Variants in RHEX observed in about 807,000 individuals in gnomAD.
The protein encoded by RHEX is regulator of hemoglobinization and erythroid cell expansion protein.
RHEX carries 18 observed loss-of-function variants against 20.1 expected under a neutral mutation model. The ratio of observed to expected loss-of-function variants is 0.90; its 90% CI spans 0.62 to 1.33. The LOEUF is 1.33. RHEX is among the 40% of genes most tolerant of loss of function. The probability of loss-of-function intolerance (pLI) is 0.00; values close to 1 mark genes in which losing one functional copy is unlikely to be tolerated. For missense variants in RHEX, 192 were observed against 214.3 expected, an observed-to-expected ratio of 0.90 and a Z score of 0.65; for synonymous variants, 87 against 77.1, an observed-to-expected ratio of 1.13 and a Z score of -0.67.
intron 2 of RHEX, 23 bp from the exon 3 acceptor site, chr1:206,098,058 T>A: frequency 6.4e-7 from 1 of 1,573,692 alleles, no homozygotes; most frequent in African/African-American, 1.3e-5. Context: ...TCTCTGACTT[T>A]GCCCCTTTTT....
chr1:206,061,690 A>C (rs1662313398), intron 1 of RHEX: 1 of 152,256 alleles, frequency 6.6e-6, no homozygotes, highest in African/African-American at 2.4e-5. Context: ...GATGCCATAT[A>C]TTCCAACGTG....
chr1:206,083,082 C>T (rs1469560118), intron 1 of RHEX, among the ~76,000 whole-genome samples: 5 of 152,240 alleles, frequency 3.3e-5, no homozygotes, highest in African/African-American at 1.2e-4. Context: ...ACGTCCCCTA[C>T]TCACTTAATC....
intron 4 of RHEX, among the ~76,000 whole-genome samples, chr1:206,100,563 C>A (rs1016502125): frequency 1.1e-4 from 17 of 152,212 alleles, no homozygotes; most frequent in African/African-American, 4.1e-4. Context: ...TGGCCTTACC[C>A]TAACCCCTGG....
intron 1 of RHEX, among the ~76,000 whole-genome samples, chr1:206,074,963 A>G (rs1662603343): frequency 6.6e-6 from 1 of 152,224 alleles, no homozygotes; most frequent in African/African-American, 2.4e-5. Context: ...TTAATGGCCC[A>G]TTCCCACAAT....
intron 1 of RHEX, among the ~76,000 whole-genome samples, chr1:206,063,728 A>G (rs1450970707): frequency 6.6e-6 from 1 of 152,072 alleles, no homozygotes; most frequent in Non-Finnish European, 1.5e-5. Context: ...CAGTGGCGTG[A>G]TCTCGGCTGG....
chr1:206,071,352 C>T lies in RHEX; in HGVS notation c.-97+18087C>T, dbSNP rs75480076. Among the ~76,000 whole-genome samples, 15 of 152,186 alleles carry T rather than the reference C, an allele frequency of 9.9e-5. No individual in the cohort carries two copies. The South Asian group carries it at 2.3e-3, about 23-fold the overall frequency. On this transcript the variant is annotated intron_variant, in intron 1 of 5. Transcript: ENST00000331555. ...TGGCAGCAGATTAGATGGGTCCACC[C>T]GGATTGTGGGTGGGTCTGCTTCTCC...
Position 206,097,920 on chromosome 1 carries a change from C to T in RHEX, c.11+81C>T, listed in dbSNP as rs556271939. On this transcript the variant is annotated intron_variant, in intron 2 of 5. Transcript: ENST00000331555. ...CTGTCTTCCAAGCACACATAGCACCCTTCCTGGCTGCCCCAGCCTTATTGT... is the reference window on the plus strand; with the variant it reads ...CTGTCTTCCAAGCACACATAGCACCTTTCCTGGCTGCCCCAGCCTTATTGT... The T allele has an allele frequency of 7.1e-4, 888 of 1,244,110 alleles. 1 individual carries two copies. The highest frequency in any genetic ancestry group is 2.1e-3 in the South Asian group (176 of 83,736). 77.1% of individuals were successfully genotyped at this position (1,244,110 alleles called of 1,614,324 possible). A position where few individuals can be genotyped will look rare whatever the true frequency, so the allele number is the denominator to read the frequency against.
intron 1 of RHEX, among the ~76,000 whole-genome samples, chr1:206,096,788 T>G (rs1190152047): frequency 8.0e-5 from 12 of 150,364 alleles, no homozygotes; most frequent in African/African-American, 2.2e-4. Flanking sequence ...TTGGTTTTTT[T>G]TTTTGAGACA....
intron 1 of RHEX, among the ~76,000 whole-genome samples, chr1:206,092,078 T>C (rs1324545728): frequency 2.1e-5 from 3 of 144,678 alleles, no homozygotes; most frequent in Admixed American, 7.1e-5. Flanking sequence ...CTCTCTTTCT[T>C]TCTTTCTTTT....
intron 1 of RHEX, among the ~76,000 whole-genome samples, chr1:206,082,356 A>G (rs1341330154): frequency 1.3e-5 from 2 of 151,986 alleles, no homozygotes; most frequent in Non-Finnish European, 2.9e-5. Context: ...TGTCTCTACT[A>G]AAAATACAAA....
intron 1 of RHEX, among the ~76,000 whole-genome samples, chr1:206,059,076 A>T (rs28460755): frequency 0.27 from 40,435 of 151,952 alleles, 5,941 homozygotes; most frequent in Middle Eastern, 0.4. Context: ...CACTCCCACC[A>T]GCCTGCCCCA....
chr1:206,073,963 C>T (rs932626247), intron 1 of RHEX, among the ~76,000 whole-genome samples: 1 of 152,186 alleles, frequency 6.6e-6, no homozygotes, highest in Non-Finnish European at 1.5e-5. Context: ...ACACAGCAAA[C>T]AAGGGCCTCC....
intron 1 of RHEX, among the ~76,000 whole-genome samples, chr1:206,077,457 C>T (rs1290433230): frequency 1.3e-5 from 2 of 152,200 alleles, no homozygotes; most frequent in East Asian, 3.9e-4. Context: ...GACATTAATA[C>T]TGCAGAGTAA....
chr1:206,096,788 T>TG (rs1480732819), intron 1 of RHEX, among the ~76,000 whole-genome samples: 1 of 150,256 alleles, frequency 6.7e-6, no homozygotes, highest in African/African-American at 2.5e-5. Flanking sequence ...TTGGTTTTTT[T>TG]TTTTGAGACA....
intron 1 of RHEX, among the ~76,000 whole-genome samples, chr1:206,083,144 T>G (rs569542681): frequency 6.6e-6 from 1 of 152,348 alleles, no homozygotes; most frequent in East Asian, 1.9e-4. Context: ...GAAAGTATCT[T>G]TGCTAATATC....
At chr1:206,062,624 G>C (rs934433574) in intron 1 of RHEX, among the ~76,000 whole-genome samples, 1 of 151,912 alleles carries the variant, frequency 6.6e-6, no homozygotes, top group African/African-American at 2.4e-5. Context: ...TGCCAGATGT[G>C]GAGGAGGAGG....
intron 1 of RHEX, among the ~76,000 whole-genome samples, chr1:206,097,003 A>G (rs1450968689): frequency 6.6e-6 from 1 of 151,962 alleles, no homozygotes. Context: ...ATGAACTCCT[A>G]GGCTCAAGTG....
Position 206,099,805 on chromosome 1 carries a change from A to G in RHEX, c.256+7A>G. 6.2e-7 allele frequency: 1 copy of G among 1,613,668 alleles called. No homozygotes were observed. The highest frequency in any genetic ancestry group is 8.5e-7 in the Non-Finnish European group (1 of 1,179,706). ...TCTGATTCCCTTTACAGGCGTGAGT[A>G]AGGGGTTGGAGGGAGAACTTGTCTA... On this transcript the variant is annotated splice_region_variant and intron_variant, in intron 4 of 5. Transcript: ENST00000331555.
Position 206,099,758 on chromosome 1 carries a change from G to C in RHEX, c.216G>C (p.Gln72His). Residue 72 changes from glutamine (Q) to histidine (H), a missense_variant, in exon 4 of 6, where the codon CAG (glutamine) becomes CAC (histidine). Physicochemically the swap from Gln to His is conservative, Grantham distance 24. Transcript: ENST00000331555. ...CTGTCAAAGAGATGAAGGAGACTCA[G>C]ACAGAGAGAGACATCCCAATGTCTG... is the stretch of plus-strand genomic sequence containing the variant. ...PPAVKEMKET[Q>H]TERDIPMSDS... is the part of the protein sequence containing the mutation. The C allele has an allele frequency of 6.2e-7, 1 of 1,614,110 alleles. No homozygotes were observed. The highest frequency in any genetic ancestry group is 8.5e-7 in the Non-Finnish European group (1 of 1,179,990).
Sources: gnomAD v4.1 joint callset for allele counts (sites outside exome capture counted in the v4.1 genomes callset) on GRCh38, gnomAD v4.1.1 for gene constraint, MANE v1.5 for transcripts, NCBI Gene and HGNC (gene_info 2026-07-23, HGNC 2026-07-21) for gene names.